The following SHROOM3 variants were observed in gnomAD, a reference collection of about 807,000 sequenced individuals.
The protein encoded by SHROOM3 is protein Shroom3.
Under a neutral mutation model 138.6 loss-of-function variants are expected in SHROOM3, and 47 were observed. The ratio of observed to expected loss-of-function variants is 0.34; its 90% CI spans 0.27 to 0.43. SHROOM3 has a LOEUF of 0.43. Ranked by LOEUF, SHROOM3 falls within the 20% of genes least tolerant of loss-of-function variation. The pLI, the probability that SHROOM3 is intolerant of heterozygous loss-of-function variation, is 1.00. For missense variants in SHROOM3, 2,491 were observed against 2,596.5 expected (o/e 0.96, Z 0.88); for synonymous variants, 1,062 against 1,063.3 (o/e 1.00, Z 0.02).
intron 1 of SHROOM3, among the ~76,000 whole-genome samples, chr4:76,478,009 C>T (rs987042838): frequency 1.3e-5 from 2 of 152,186 alleles, no homozygotes; most frequent in Non-Finnish European, 2.9e-5. Flanking sequence ...TGGGTGCCTA[C>T]ACCACCAGGG....
chr4:76,738,996 C>T lies in SHROOM3; in HGVS notation c.823C>T (p.Pro275Ser). 6.2e-7 allele frequency: 1 copy of T among 1,614,170 alleles called. No homozygotes were observed. Among genetic ancestry groups the T allele is most frequent in the African/African-American group, 1.3e-5 (1 of 75,048 alleles). ...TTCTAGCATCCTAGAGTATCCACACCCTGGCATCTCTGGCCGGGAGCGTTC... is the reference window on the plus strand; with the variant it reads ...TTCTAGCATCCTAGAGTATCCACACTCTGGCATCTCTGGCCGGGAGCGTTC... ...TSSSILEYPH[P>S]GISGRERSGS... Residue 275 changes from proline to serine, a missense_variant, in exon 5 of 11, where the codon CCT becomes TCT. Physicochemically the swap from Pro to Ser is moderately conservative, Grantham distance 74. Transcript: ENST00000296043.
chr4:76,635,676 TC>T (rs1735474040), intron 2 of SHROOM3, among the ~76,000 whole-genome samples: 2 of 152,164 alleles, frequency 1.3e-5, no homozygotes, highest in African/African-American at 4.8e-5. Context: ...TTGGAGTCAC[TC>T]CTGGGAATCC....
rs931148830 is a variant in SHROOM3 at position 76,770,336 on chromosome 4, A to C, written c.5350-290A>C. 1.3e-4 allele frequency among the ~76,000 whole-genome samples: 19 copies of C among 147,744 alleles called. No homozygotes were observed. In the South Asian group the frequency reaches 4.0e-3, roughly 31 times the overall value. On this transcript the variant is annotated intron_variant, in intron 9 of 10. Coordinates refer to ENST00000296043, the MANE Select transcript of SHROOM3 (RefSeq NM_020859.4). ...CCAAACTCTGTCTCAAAAAAAAAAA[A>C]AAAAAAAAAAAAAAACAGAAGACAA...
chr4:76,640,906 C>T (rs1735648691), intron 2 of SHROOM3, among the ~76,000 whole-genome samples: 1 of 151,988 alleles, frequency 6.6e-6, no homozygotes. Flanking sequence ...CTGTCAGAGG[C>T]CAGGTGAAAC....
chr4:76,748,546 C>T (rs1231973946), intron 5 of SHROOM3, among the ~76,000 whole-genome samples: 4 of 152,176 alleles, frequency 2.6e-5, no homozygotes, highest in Admixed American at 2.0e-4. Context: ...GATTACAATC[C>T]AAATTCATAT....
chr4:76,741,764 G>A lies in SHROOM3; in HGVS notation c.3591G>A (p.Arg1197=). The change falls in exon 5 of 11, where the codon AGG becomes AGA. Residue 1197 remains arginine (R), a synonymous_variant. Coordinates refer to ENST00000296043, the MANE Select transcript of SHROOM3 (RefSeq NM_020859.4). This position sits in a 1 kb window ranked among gnomAD's most constrained non-coding sequence, Gnocchi z 6.2. ...DLLSGANGGT[R]GTQRGDETPR... ...TTAGCGGAGCAAACGGTGGAACAAGGGGCACCCAGAGAGGGGATGAGACCC... is the reference window on the plus strand; with the variant it reads ...TTAGCGGAGCAAACGGTGGAACAAGAGGCACCCAGAGAGGGGATGAGACCC... 1.3e-6 allele frequency: 2 copies of A among 1,569,644 alleles called. No homozygotes were observed. The highest frequency in any genetic ancestry group is 1.7e-6 in the Non-Finnish European group (2 of 1,157,772).
chr4:76,558,391 G>A (rs1245752126), intron 2 of SHROOM3, among the ~76,000 whole-genome samples: 1 of 152,152 alleles, frequency 6.6e-6, no homozygotes, highest in Non-Finnish European at 1.5e-5. Flanking sequence ...GTACACAGTG[G>A]ATATGCAATA....
At chr4:76,597,308 G>A (rs1734411219) in intron 2 of SHROOM3, among the ~76,000 whole-genome samples, 1 of 152,206 alleles carries the variant, frequency 6.6e-6, no homozygotes, top group African/African-American at 2.4e-5. Flanking sequence ...GATTCGAGGA[G>A]TGAGTGACTA....
chr4:76,539,832 T>C (rs566958092), intron 1 of SHROOM3, among the ~76,000 whole-genome samples: 1 of 152,208 alleles, frequency 6.6e-6, no homozygotes, highest in Non-Finnish European at 1.5e-5. Context: ...GAAATCCTTT[T>C]ACCAGTTACT....
At chr4:76,711,626 G>A (rs768500165) in intron 3 of SHROOM3, among the ~76,000 whole-genome samples, 19 of 152,152 alleles carry the variant, frequency 1.2e-4, no homozygotes, top group African/African-American at 2.2e-4. Context: ...CTGGGAGGTC[G>A]AGGCTACAGT....
At chr4:76,584,881 A>C (rs1485649428) in intron 2 of SHROOM3, among the ~76,000 whole-genome samples, 2 of 151,832 alleles carry the variant, frequency 1.3e-5, no homozygotes, top group African/African-American at 2.4e-5. Flanking sequence ...GAACGAATGC[A>C]TCTATGATGC....
intron 1 of SHROOM3, among the ~76,000 whole-genome samples, chr4:76,490,744 A>G (rs1731832332): frequency 6.6e-6 from 1 of 151,990 alleles, no homozygotes; most frequent in East Asian, 1.9e-4. Context: ...TTACCCACCT[A>G]CTCTCCCTAA....
At chr4:76,541,259 A>G (rs1365230175) in intron 1 of SHROOM3, among the ~76,000 whole-genome samples, 1 of 152,212 alleles carries the variant, frequency 6.6e-6, no homozygotes, top group Non-Finnish European at 1.5e-5. Flanking sequence ...CAACTGGAGC[A>G]ATTCAAAGGG....
intron 1 of SHROOM3, among the ~76,000 whole-genome samples, chr4:76,554,709 C>T (rs112459908): frequency 0.014 from 2,160 of 152,200 alleles, 41 homozygotes; most frequent in African/African-American, 0.049. Flanking sequence ...CATGAGCCAC[C>T]GTACCCGGCC....
At chr4:76,592,235 G>A (rs1230030774) in intron 2 of SHROOM3, among the ~76,000 whole-genome samples, 8 of 151,954 alleles carry the variant, frequency 5.3e-5, no homozygotes, top group Middle Eastern at 3.2e-3. Flanking sequence ...AGTGTGGGTG[G>A]AGCAGAATGT....
chr4:76,726,462 C>A (rs2110126142), intron 3 of SHROOM3, among the ~76,000 whole-genome samples: 1 of 149,540 alleles, frequency 6.7e-6, no homozygotes, highest in East Asian at 2.0e-4. Flanking sequence ...CCCACAGGCA[C>A]TCATTCGCAT....
rs1721229088 is a variant in SHROOM3, at chr4:76,740,925, GC to G, written c.2757del (p.Phe920SerfsTer69). On this transcript the variant is annotated frameshift_variant, in exon 5 of 11. Coordinates refer to ENST00000296043, the MANE Select transcript of SHROOM3 (RefSeq NM_020859.4). LOFTEE classifies it high-confidence loss of function. The surrounding 1 kb of genome is among the most constrained non-coding windows in gnomAD (Gnocchi z 4.0). Reference sequence around the variant, plus strand: ...CTCGCCCGAATCGCCCCTGCTGGATGCCCCCTTCAGCCGCGCCTACCGGAAC... The same window carrying G: ...CTCGCCCGAATCGCCCCTGCTGGATGCCCCTTCAGCCGCGCCTACCGGAAC... ...PGSPESPLLD[A>X]PFSRAYRNSI... is the part of the protein sequence containing the mutation. The G allele has an allele frequency of 6.7e-7, 1 of 1,496,700 alleles. No homozygotes were observed. The highest frequency in any genetic ancestry group is 8.9e-7 in the Non-Finnish European group (1 of 1,126,230). The allele number at this position is 1,496,700 out of a possible 1,614,324, so 92.7% of individuals were successfully genotyped here. A position where few individuals can be genotyped will look rare whatever the true frequency, so the allele number is the denominator to read the frequency against.
At chr4:76,651,090 C>G (rs1403178673) in intron 2 of SHROOM3, among the ~76,000 whole-genome samples, 1 of 150,494 alleles carries the variant, frequency 6.6e-6, no homozygotes, top group Non-Finnish European at 1.5e-5. Context: ...AACAATTGAG[C>G]TCATAAACAT....
At chr4:76,707,785 TC>T (rs1275815386) in intron 2 of SHROOM3, among the ~76,000 whole-genome samples, 2 of 152,090 alleles carry the variant, frequency 1.3e-5, no homozygotes, top group Non-Finnish European at 2.9e-5. Flanking sequence ...GGGTTTTTTT[TC>T]TTTTTTTTTA....
Sources: gnomAD v4.1 joint callset for allele counts (sites outside exome capture counted in the v4.1 genomes callset) on GRCh38, gnomAD v4.1.1 for gene constraint, Gnocchi (gnomAD v3.1) non-coding constraint, MANE v1.5 for transcripts, NCBI Gene and HGNC (gene_info 2026-07-23, HGNC 2026-07-21) for gene names.